The following PARVA variants were observed in gnomAD, a reference collection of about 807,000 sequenced individuals.
The protein encoded by PARVA is parvin alpha.
In PARVA, 25 loss-of-function variants were observed where a neutral mutation model predicts 52.6. That is an observed-to-expected ratio of 0.48 (90% confidence interval 0.35 to 0.66). The LOEUF (loss-of-function observed/expected upper bound fraction) is 0.66. PARVA is among the 30% of genes least tolerant of loss of function. The probability of loss-of-function intolerance (pLI) is 0.01; values close to 1 mark genes in which losing one functional copy is unlikely to be tolerated. For missense variants in PARVA, 373 were observed against 450.9 expected (o/e 0.83, Z 1.56); for synonymous variants, 185 against 179.1 (o/e 1.03, Z -0.26).
In PARVA at chr11:12,508,581, C is replaced by T; in HGVS notation, c.658-3C>T. The T allele has an allele frequency of 1.2e-6, 2 of 1,607,166 alleles. No individual in the cohort carries two copies. Among genetic ancestry groups the T allele is most frequent in the Non-Finnish European group, 1.7e-6 (2 of 1,175,416 alleles). ...CCAACCCCTTTCCCCACCCCCATTT[C>T]AGAAACGAGAAGGAATCCTCCAGTC... On this transcript the variant is annotated splice_region_variant and splice_polypyrimidine_tract_variant and intron_variant, in intron 6 of 12. Coordinates refer to ENST00000334956, the MANE Select transcript of PARVA (RefSeq NM_018222.5).
intron 1 of PARVA, among the ~76,000 whole-genome samples, chr11:12,446,326 A>C (rs1940547425): frequency 6.6e-6 from 1 of 152,170 alleles, no homozygotes; most frequent in African/African-American, 2.4e-5. Flanking sequence ...ACTCCCACCT[A>C]CTACAATATC....
chr11:12,404,803 A>G (rs1245680581), intron 1 of PARVA, among the ~76,000 whole-genome samples: 1 of 152,214 alleles, frequency 6.6e-6, no homozygotes, highest in Non-Finnish European at 1.5e-5. Context: ...GACCCTGGCC[A>G]TCGTTACATC....
chr11:12,413,084 T>G (rs1310753909), intron 1 of PARVA, among the ~76,000 whole-genome samples: 1 of 152,222 alleles, frequency 6.6e-6, no homozygotes, highest in African/African-American at 2.4e-5. Flanking sequence ...TGCCAGGCAT[T>G]GGGATGCAGG....
At chr11:12,393,651 C>T (rs1253221880) in intron 1 of PARVA, among the ~76,000 whole-genome samples, 3 of 152,096 alleles carry the variant, frequency 2.0e-5, no homozygotes, top group South Asian at 2.1e-4. Flanking sequence ...CTGAATGTGG[C>T]GTATGTCACA....
intron 1 of PARVA, among the ~76,000 whole-genome samples, chr11:12,456,459 A>G (rs1564851606): frequency 6.6e-6 from 1 of 151,920 alleles, no homozygotes; most frequent in Non-Finnish European, 1.5e-5. Flanking sequence ...GCTTGAATGG[A>G]TCCATTAGGG....
At chr11:12,391,241 A>C (rs976935824) in intron 1 of PARVA, among the ~76,000 whole-genome samples, 1 of 152,216 alleles carries the variant, frequency 6.6e-6, no homozygotes, top group Non-Finnish European at 1.5e-5. Flanking sequence ...CTGACGCTTC[A>C]ATAAATCTGA....
rs1941465737 is a variant in PARVA, at chr11:12,508,643, G to A, written c.716+1G>A. On this transcript the variant is annotated splice_donor_variant, in intron 7 of 12. Coordinates refer to ENST00000334956, the MANE Select transcript of PARVA (RefSeq NM_018222.5). LOFTEE classifies it high-confidence loss of function. ...AAGAGGAAATAACTGGTAACACAGA[G>A]TATGTCAACACCATTGTTGCCAGCG... 1.3e-6 allele frequency: 2 copies of A among 1,599,648 alleles called. No individual in the cohort carries two copies. Among genetic ancestry groups the A allele is most frequent in the South Asian group, 2.2e-5 (2 of 89,770 alleles).
At chr11:12,491,460 C>T (rs1032480215) in intron 4 of PARVA, among the ~76,000 whole-genome samples, 11 of 152,114 alleles carry the variant, frequency 7.2e-5, no homozygotes, top group East Asian at 1.9e-4. Flanking sequence ...AAAGCCACCA[C>T]GCCCAGCTGA....
chr11:12,378,787 A>C (rs1939443954), intron 1 of PARVA, among the ~76,000 whole-genome samples: 2 of 152,162 alleles, frequency 1.3e-5, no homozygotes, highest in Non-Finnish European at 2.9e-5. Flanking sequence ...TCTGGGGCAC[A>C]TGTGATAATG....
intron 1 of PARVA, among the ~76,000 whole-genome samples, chr11:12,416,639 G>A (rs1940070859): frequency 6.6e-6 from 1 of 152,044 alleles, no homozygotes; most frequent in Non-Finnish European, 1.5e-5. Context: ...AAGAAGGAAG[G>A]AAATCAGGGG....
At chr11:12,418,367 A>G (rs530458319) in intron 1 of PARVA, among the ~76,000 whole-genome samples, 1 of 152,168 alleles carries the variant, frequency 6.6e-6, no homozygotes, top group Non-Finnish European at 1.5e-5. Context: ...TTGCCCTTCC[A>G]TCTGCTTGAG....
intron 5 of PARVA, among the ~76,000 whole-genome samples, chr11:12,502,992 G>C (rs1941382340): frequency 6.6e-6 from 1 of 152,132 alleles, no homozygotes; most frequent in Non-Finnish European, 1.5e-5. Context: ...GCTCCAGTCT[G>C]CCTGACCCTC....
chr11:12,474,498 G>A (rs1264205252), intron 3 of PARVA, among the ~76,000 whole-genome samples: 1 of 152,128 alleles, frequency 6.6e-6, no homozygotes, highest in Non-Finnish European at 1.5e-5. Flanking sequence ...TTTCTCCCCT[G>A]CGTCTTATTC....
At chr11:12,492,381 G>A (rs1941244627) in intron 4 of PARVA, among the ~76,000 whole-genome samples, 1 of 152,132 alleles carries the variant, frequency 6.6e-6, no homozygotes, top group Admixed American at 6.5e-5. Flanking sequence ...TGAACAATTT[G>A]TGTAACTATG....
chr11:12,469,672 G>A (rs963378378), intron 1 of PARVA, among the ~76,000 whole-genome samples: 1 of 152,242 alleles, frequency 6.6e-6, no homozygotes, highest in African/African-American at 2.4e-5. Flanking sequence ...TTTACAAACA[G>A]TTGGCTCAGA....
In PARVA at chr11:12,429,803, C is replaced by G. The variant is rs571828867; in HGVS notation, c.137-43942C>G. Among the ~76,000 whole-genome samples, 5 of 152,300 alleles carry G rather than the reference C, an allele frequency of 3.3e-5. No homozygotes were observed. In the South Asian group the frequency reaches 1.0e-3, roughly 32 times the overall value. On this transcript the variant is annotated intron_variant, in intron 1 of 12. Coordinates refer to ENST00000334956, the MANE Select transcript of PARVA (RefSeq NM_018222.5). ...AGCAGTAGGATATAAATAACTCCCA[C>G]AAGCTTAGCGTTCCAATAATGGAAC...
At chr11:12,505,747 G>A (rs1391484882) in intron 6 of PARVA, among the ~76,000 whole-genome samples, 1 of 152,152 alleles carries the variant, frequency 6.6e-6, no homozygotes, top group Non-Finnish European at 1.5e-5. Context: ...AGACTACTCT[G>A]GTTCAAGCAT....
intron 1 of PARVA, among the ~76,000 whole-genome samples, chr11:12,384,456 G>A (rs942464359): frequency 2.6e-4 from 39 of 152,220 alleles, no homozygotes; most frequent in African/African-American, 8.9e-4. Flanking sequence ...TAACAGGGGA[G>A]ACAGGTAATA....
chr11:12,530,452 TTTCTG>T lies in PARVA; in HGVS notation c.*2530_*2534del, dbSNP rs1342326946. On this transcript the variant is annotated 3_prime_UTR_variant, in exon 13 of 13. Transcript: ENST00000334956. ...ATAGGCTCACTGGGTTTTCTTTTCT[TTTCTG>T]TTAATTTAAACTCAGTTATTTTTAA... 1 of 152,212 alleles carries T rather than the reference TTTCTG, an allele frequency of 6.6e-6. No homozygotes were observed. The highest frequency in any genetic ancestry group is 2.4e-5 in the African/African-American group (1 of 41,454). 9.4% of individuals were successfully genotyped at this position (152,212 alleles called of 1,614,324 possible). A position where few individuals can be genotyped will look rare whatever the true frequency, so the allele number is the denominator to read the frequency against.
Sources: gnomAD v4.1 joint callset for allele counts (sites outside exome capture counted in the v4.1 genomes callset) on GRCh38, gnomAD v4.1.1 for gene constraint, MANE v1.5 for transcripts, NCBI Gene and HGNC (gene_info 2026-07-23, HGNC 2026-07-21) for gene names.